Variants in MAP3K3 observed in about 807,000 individuals in gnomAD.
MAP3K3 encodes the protein mitogen-activated protein kinase kinase kinase 3.
Under a neutral mutation model 80.9 loss-of-function variants are expected in MAP3K3, and 12 were observed. The observed-to-expected ratio is 0.15, with a 90% CI of 0.10 to 0.24. MAP3K3 has a LOEUF of 0.24. MAP3K3 is among the 10% of genes least tolerant of loss of function. The probability of loss-of-function intolerance (pLI) is 1.00; values close to 1 mark genes in which losing one functional copy is unlikely to be tolerated. For missense variants in MAP3K3, 596 were observed against 834.7 expected, an observed-to-expected ratio of 0.71 and a Z score of 3.52; for synonymous variants, 272 against 307.1, an observed-to-expected ratio of 0.89 and a Z score of 1.19.
At chr17:63,657,937 T>C (rs1568135822) in intron 5 of MAP3K3, 30 bp downstream of exon 5, 1 of 1,295,600 alleles carries the variant, frequency 7.7e-7, no homozygotes, top group African/African-American at 1.5e-5. Flanking sequence ...GTCTGGCAGC[T>C]GAAGACAAAG....
intron 6 of MAP3K3, among the ~76,000 whole-genome samples, chr17:63,674,674 A>T (rs1180054553): frequency 4.6e-5 from 7 of 152,060 alleles, no homozygotes; most frequent in Non-Finnish European, 5.9e-5. Context: ...GGCTAGAGAT[A>T]TGAGGAAGTG....
chr17:63,656,254 A>G (rs576325270), intron 4 of MAP3K3, among the ~76,000 whole-genome samples: 178 of 151,572 alleles, frequency 1.2e-3, no homozygotes, highest in Middle Eastern at 0.01. Context: ...TGTATTATAA[A>G]TTGGGAACTG....
At chr17:63,629,218 G>C (rs1431336702) in intron 1 of MAP3K3, among the ~76,000 whole-genome samples, 1 of 151,818 alleles carries the variant, frequency 6.6e-6, no homozygotes, top group Non-Finnish European at 1.5e-5. Flanking sequence ...CGCCTCCTGT[G>C]TTCAGGCAAT....
rs937048712 is a variant in MAP3K3, at chr17:63,691,582, A to G, written c.1345-151A>G. On this transcript the variant is annotated intron_variant, in intron 13 of 15. Transcript: ENST00000361733. This position sits in a 1 kb window ranked among gnomAD's most constrained non-coding sequence, Gnocchi z 4.8. The stretch of plus-strand genomic sequence containing the variant: ...AGGACTTGGGGTACTCTCTTTTCCA[A>G]ACTGCCTGACAGCTCCTGGCAAAAT... 2.4e-5 allele frequency: 28 copies of G among 1,163,658 alleles called. No individual in the cohort carries two copies. In the African/African-American group the frequency reaches 3.9e-4, roughly 16 times the overall value. The allele number at this position is 1,163,658 out of a possible 1,614,324, so 72.1% of individuals were successfully genotyped here. A position where few individuals can be genotyped will look rare whatever the true frequency, so the allele number is the denominator to read the frequency against.
At chr17:63,643,037 C>T (rs1442758364) in intron 2 of MAP3K3, among the ~76,000 whole-genome samples, 2 of 147,080 alleles carry the variant, frequency 1.4e-5, no homozygotes, top group African/African-American at 5.0e-5. Flanking sequence ...GGGTTAGAAG[C>T]GTGAGCTACC....
Position 63,657,809 on chromosome 17 carries a change from A to G in MAP3K3, c.283A>G (p.Lys95Glu). The change falls in exon 5 of 16, where the codon AAA (lysine) becomes GAA (glutamate). Residue 95 changes from lysine to glutamate, a missense_variant. Coordinates refer to ENST00000361733, the MANE Select transcript of MAP3K3 (RefSeq NM_002401.5). Reference sequence around the variant, plus strand: ...TGTATCACAGCTCTCCATCCTGCTGAAAAACCAAGATGATCTTGATAAAGC... The same window carrying G: ...TGTATCACAGCTCTCCATCCTGCTGGAAAACCAAGATGATCTTGATAAAGC... ...YMNNELSILLKNQDDLDKAID... is the reference protein window; with the variant it reads ...YMNNELSILLENQDDLDKAID... The G allele has an allele frequency of 6.3e-7, 1 of 1,590,998 alleles. No individual in the cohort carries two copies. The highest frequency in any genetic ancestry group is 1.1e-5 in the South Asian group (1 of 89,416).
In MAP3K3 at chr17:63,691,143, C is replaced by T; in HGVS notation, c.1254C>T (p.Asn418=). 1.2e-6 allele frequency: 2 copies of T among 1,614,216 alleles called. No individual in the cohort carries two copies. The highest frequency in any genetic ancestry group is 1.7e-6 in the Non-Finnish European group (2 of 1,180,030). ...AGTGCGAGATCCAGTTGCTAAAGAACTTGCAGCATGAGCGCATCGTGCAGT... is the reference window on the plus strand; with the variant it reads ...AGTGCGAGATCCAGTTGCTAAAGAATTTGCAGCATGAGCGCATCGTGCAGT... ...ALECEIQLLK[N]LQHERIVQYY... is the part of the protein sequence containing the mutation. The change falls in exon 13 of 16, where the codon AAC becomes AAT. Residue 418 remains asparagine, a synonymous_variant. Transcript: ENST00000361733. This position sits in a 1 kb window ranked among gnomAD's most constrained non-coding sequence, Gnocchi z 4.8.
At chr17:63,637,498 G>T (rs1598066746) in intron 2 of MAP3K3, among the ~76,000 whole-genome samples, 1 of 152,188 alleles carries the variant, frequency 6.6e-6, no homozygotes, top group South Asian at 2.1e-4. Flanking sequence ...TAAGATTGTT[G>T]TAAGATCATA....
intron 8 of MAP3K3, 109 bp from the exon 9 acceptor site, chr17:63,688,418 T>TC: frequency 2.4e-6 from 2 of 847,412 alleles, no homozygotes; most frequent in Non-Finnish European, 2.0e-6. Flanking sequence ...AAAATCTGCT[T>TC]CCCCCACCTA....
At chr17:63,684,664 A>T (rs962492109) in intron 7 of MAP3K3, among the ~76,000 whole-genome samples, 1 of 152,206 alleles carries the variant, frequency 6.6e-6, no homozygotes, top group East Asian at 1.9e-4. Context: ...TAATTAAAAA[A>T]ATATTTAAAC....
Position 63,694,603 on chromosome 17 carries a change from T to C in MAP3K3, c.*826T>C, listed in dbSNP as rs948016081. The stretch of plus-strand genomic sequence containing the variant: ...GCTTTGGGCTTGGGCCTAGGCTGCA[T>C]TGAAAAGAGCTGAAGGTTGTGGCCT... On this transcript the variant is annotated 3_prime_UTR_variant, in exon 16 of 16. Transcript: ENST00000361733. 6.5e-6 allele frequency: 1 copy of C among 152,728 alleles called. No homozygotes were observed. The highest frequency in any genetic ancestry group is 2.4e-5 in the African/African-American group (1 of 41,462). 9.5% of individuals were successfully genotyped at this position (152,728 alleles called of 1,614,324 possible).
At position 63,691,152 on chromosome 17, in the gene MAP3K3, T is replaced by C. The variant is rs368411431; in HGVS notation, c.1263T>C (p.His421=). 5 of 1,614,182 alleles carry C rather than the reference T, an allele frequency of 3.1e-6. No individual in the cohort carries two copies. Among genetic ancestry groups the C allele is most frequent in the East Asian group, 2.2e-5 (1 of 44,886 alleles). Residue 421 remains histidine (H), a synonymous_variant, in exon 13 of 16, where the codon CAT becomes CAC. Coordinates refer to ENST00000361733, the MANE Select transcript of MAP3K3 (RefSeq NM_002401.5). The surrounding 1 kb of genome is among the most constrained non-coding windows in gnomAD (Gnocchi z 4.8). ...CEIQLLKNLQ[H]ERIVQYYGCL... is the part of the protein sequence containing the mutation. ...TCCAGTTGCTAAAGAACTTGCAGCATGAGCGCATCGTGCAGTACTATGGCT... is the reference window on the plus strand; with the variant it reads ...TCCAGTTGCTAAAGAACTTGCAGCACGAGCGCATCGTGCAGTACTATGGCT...
intron 6 of MAP3K3, among the ~76,000 whole-genome samples, chr17:63,675,925 A>G (rs1278451734): frequency 6.6e-6 from 1 of 152,186 alleles, no homozygotes; most frequent in Non-Finnish European, 1.5e-5. Flanking sequence ...ATGGTCCAGT[A>G]TCCTATCCTG....
chr17:63,673,479 T>C (rs2035152186), intron 6 of MAP3K3, among the ~76,000 whole-genome samples: 1 of 152,200 alleles, frequency 6.6e-6, no homozygotes, highest in African/African-American at 2.4e-5. Flanking sequence ...ACTAGGCAGA[T>C]AGGTGGAATT....
rs1169288140 is a variant in MAP3K3, at chr17:63,692,529, G to T, written c.1652+110G>T. 8.6e-7 allele frequency: 1 copy of T among 1,168,766 alleles called. No individual in the cohort carries two copies. The highest frequency in any genetic ancestry group is 1.2e-6 in the Non-Finnish European group (1 of 844,172). The allele number at this position is 1,168,766 out of a possible 1,614,324, so 72.4% of individuals were successfully genotyped here. On this transcript the variant is annotated intron_variant, in intron 15 of 15. Transcript: ENST00000361733. This position sits in a 1 kb window ranked among gnomAD's most constrained non-coding sequence, Gnocchi z 4.5. ...TGTGGCAGGAGGGAGTGTGCCCAGGGCCCAGGCTGCAGTGTGTGCAAGGGT... is the reference window on the plus strand; with the variant it reads ...TGTGGCAGGAGGGAGTGTGCCCAGGTCCCAGGCTGCAGTGTGTGCAAGGGT...
At chr17:63,690,700 C>T in intron 12 of MAP3K3, 1 of 453,692 alleles carries the variant, frequency 2.2e-6, no homozygotes, top group East Asian at 4.0e-5. Context: ...ACTCCCTCCC[C>T]TAGACAAGTA....
intron 2 of MAP3K3, 86 bp from the exon 3 acceptor site, chr17:63,645,948 A>G: frequency 9.6e-7 from 1 of 1,039,692 alleles, no homozygotes; most frequent in Non-Finnish European, 1.5e-6. Context: ...TAATGTTGCT[A>G]ACGAACTGCC....
At chr17:63,656,440 T>TAAAAAAAAAAAAA (rs570222627) in intron 4 of MAP3K3, among the ~76,000 whole-genome samples, 1 of 135,738 alleles carries the variant, frequency 7.4e-6, no homozygotes, top group Non-Finnish European at 1.6e-5. Flanking sequence ...CAGTCTCTAC[T>TAAAAAAAAAAAAA]AAAAAAAAAA....
Position 63,693,851 on chromosome 17 carries a change from GC to G in MAP3K3, c.*75del. 1 of 1,339,086 alleles carries G rather than the reference GC, an allele frequency of 7.5e-7. No homozygotes were observed. Among genetic ancestry groups the G allele is most frequent in the Non-Finnish European group, 1.0e-6 (1 of 966,268 alleles). The allele number at this position is 1,339,086 out of a possible 1,614,324, so 83.0% of individuals were successfully genotyped here. The stretch of plus-strand genomic sequence containing the variant: ...GGCTGCTGCTGGGCTCAGTGAAGTT[GC>G]TGCTTCTCCCAGGCAAGGCTGTGGA... On this transcript the variant is annotated 3_prime_UTR_variant, in exon 16 of 16. Transcript: ENST00000361733. This position sits in a 1 kb window ranked among gnomAD's most constrained non-coding sequence, Gnocchi z 4.2.
Sources: gnomAD v4.1 joint callset for allele counts (sites outside exome capture counted in the v4.1 genomes callset) on GRCh38, gnomAD v4.1.1 for gene constraint, Gnocchi (gnomAD v3.1) non-coding constraint, MANE v1.5 for transcripts, NCBI Gene and HGNC (gene_info 2026-07-23, HGNC 2026-07-21) for gene names.